CDH23: variants seen among roughly 807,000 people sequenced by gnomAD.
CDH23 encodes cadherin-23.
A neutral mutation model predicts 317.1 loss-of-function variants in CDH23; 189 were observed. The observed-to-expected ratio is 0.60, with a 90% CI of 0.53 to 0.67. The LOEUF (loss-of-function observed/expected upper bound fraction) is 0.67, where lower values mean the gene tolerates loss of function less well. CDH23 is among the 30% of genes least tolerant of loss of function. The pLI, the probability that CDH23 is intolerant of heterozygous loss-of-function variation, is 0.00. For synonymous variants in CDH23, 1,839 were observed against 1,876.8 expected (o/e 0.98, Z 0.52); for missense variants, 4,401 against 4,592.4 (o/e 0.96, Z 1.20).
intron 3 of CDH23, among the ~76,000 whole-genome samples, chr10:71,473,910 G>A (rs1283296736): frequency 1.3e-5 from 2 of 152,186 alleles, no homozygotes; most frequent in African/African-American, 4.8e-5. Flanking sequence ...CCAGTCGTTA[G>A]CCCAGCTGAC....
chr10:71,470,428 T>C (rs1851452127), intron 3 of CDH23, among the ~76,000 whole-genome samples: 1 of 152,164 alleles, frequency 6.6e-6, no homozygotes, highest in African/African-American at 2.4e-5. Context: ...ACCCATTAGA[T>C]AATAACTTCT....
At chr10:71,651,644 G>T (rs1334589630) in intron 14 of CDH23, among the ~76,000 whole-genome samples, 1 of 152,068 alleles carries the variant, frequency 6.6e-6, no homozygotes, top group African/African-American at 2.4e-5. Flanking sequence ...GTGTGGGGAA[G>T]TGGGGTCCTG....
intron 6 of CDH23, among the ~76,000 whole-genome samples, chr10:71,551,149 C>T (rs771353339): frequency 2.6e-5 from 4 of 152,230 alleles, no homozygotes; most frequent in African/African-American, 2.4e-5. Flanking sequence ...CGAGGACTTC[C>T]GTCGAAATTC....
At chr10:71,629,779 A>G (rs1861916043) in intron 11 of CDH23, among the ~76,000 whole-genome samples, 1 of 152,164 alleles carries the variant, frequency 6.6e-6, no homozygotes, top group African/African-American at 2.4e-5. Context: ...AGGCAAATCC[A>G]CAGACACGGG....
intron 6 of CDH23, among the ~76,000 whole-genome samples, chr10:71,528,236 G>A (rs1459077761): frequency 1.3e-5 from 2 of 152,014 alleles, no homozygotes; most frequent in Admixed American, 6.5e-5. Context: ...CCATCCTGGG[G>A]TAGGTGGGGT....
intron 3 of CDH23, among the ~76,000 whole-genome samples, chr10:71,484,005 G>T (rs1240865932): frequency 6.6e-6 from 1 of 152,176 alleles, no homozygotes; most frequent in Admixed American, 6.5e-5. Context: ...GAGCGCACCT[G>T]TGGAAATCAT....
rs570229491 is a variant in CDH23, at chr10:71,643,898, C to G, written c.1140+32C>G. ...GAGCCTCTGAAGGGCAGGGGTTGGG[C>G]TTGGGGAGGGCTTGTGGTGGGCACA... On this transcript the variant is annotated intron_variant, in intron 12 of 69. Coordinates refer to ENST00000224721, the MANE Select transcript of CDH23 (RefSeq NM_022124.6). The G allele has an allele frequency of 1.7e-5, 13 of 765,974 alleles. No individual in the cohort carries two copies. The African/African-American group carries it at 2.2e-4, about 13-fold the overall frequency. 47.4% of individuals were successfully genotyped at this position (765,974 alleles called of 1,614,324 possible). A position where few individuals can be genotyped will look rare whatever the true frequency, so the allele number is the denominator to read the frequency against.
At chr10:71,570,050 C>T (rs7076658) in intron 7 of CDH23, among the ~76,000 whole-genome samples, 47,556 of 151,824 alleles carry the variant, frequency 0.31, 9,391 homozygotes, top group African/African-American at 0.56. Context: ...ACAGATGCAT[C>T]GTTGAGGTTT....
chr10:71,742,085 C>T, intron 38 of CDH23, 164 bp downstream of exon 38: 1 of 668,900 alleles, frequency 1.5e-6, no homozygotes, highest in Non-Finnish European at 2.5e-6. Context: ...AGATGGCCTC[C>T]CCTTACGGAG....
chr10:71,698,021 T>C lies in CDH23; in HGVS notation c.2397+2496T>C, dbSNP rs562362896. On this transcript the variant is annotated intron_variant, in intron 22 of 69. Coordinates refer to ENST00000224721, the MANE Select transcript of CDH23 (RefSeq NM_022124.6). ...ATTAAAACTTGTTATATGAAACATC[T>C]ATCAGATGAAAGATGGCAGCTTTAG... Among the ~76,000 whole-genome samples the C allele has an allele frequency of 2.6e-5, 4 of 152,370 alleles. No homozygotes were observed. The South Asian group carries it at 8.3e-4, about 32-fold the overall frequency.
At chr10:71,812,210 T>C (rs552039101) in intron 66 of CDH23, 195 bp downstream of exon 66, 1 of 1,588,834 alleles carries the variant, frequency 6.3e-7, no homozygotes, top group African/African-American at 1.3e-5. Flanking sequence ...TCCACCCCAG[T>C]GGGCCTCAAG....
At chr10:71,708,765 C>G (rs983669468) in intron 26 of CDH23, among the ~76,000 whole-genome samples, 2 of 152,220 alleles carry the variant, frequency 1.3e-5, no homozygotes, top group East Asian at 1.9e-4. Context: ...GCCCAGGGAC[C>G]CACGCATGGA....
At position 71,799,100 on chromosome 10, in the gene CDH23, C is replaced by G. The variant is rs766092331; in HGVS notation, c.7055-11C>G. 1 of 1,607,378 alleles carries G rather than the reference C, an allele frequency of 6.2e-7. No individual in the cohort carries two copies. Among genetic ancestry groups the G allele is most frequent in the Non-Finnish European group, 8.5e-7 (1 of 1,174,790 alleles). ...GTGGCCAAAATGGCAGTGGGAGCCT[C>G]TGTGTCTTAGGGAAGGTCATTGCCA... is the stretch of plus-strand genomic sequence containing the variant. On this transcript the variant is annotated splice_polypyrimidine_tract_variant and intron_variant, in intron 50 of 69. Transcript: ENST00000224721.
At position 71,446,771 on chromosome 10, in the gene CDH23, G is replaced by A. The variant is rs116980698; in HGVS notation, c.145+376G>A. 1.2e-3 allele frequency among the ~76,000 whole-genome samples: 187 copies of A among 152,258 alleles called. 1 individual carries two copies. Among genetic ancestry groups the A allele is most frequent in the East Asian group, 8.3e-3 (43 of 5,176 alleles). On this transcript the variant is annotated intron_variant, in intron 3 of 69. Transcript: ENST00000224721. The stretch of plus-strand genomic sequence containing the variant: ...TCTGCATTGAGTTTGCCTGGCTTTG[G>A]CATTAGAAAAAACATGAACTATTTA...
intron 3 of CDH23, among the ~76,000 whole-genome samples, chr10:71,480,587 G>A (rs1298806696): frequency 6.6e-6 from 1 of 152,204 alleles, no homozygotes; most frequent in South Asian, 2.1e-4. Flanking sequence ...CAGTGAGGAG[G>A]GCAGAGGAAC....
chr10:71,688,446 G>A (rs1238178773), intron 19 of CDH23, among the ~76,000 whole-genome samples: 1 of 152,156 alleles, frequency 6.6e-6, no homozygotes, highest in Non-Finnish European at 1.5e-5. Context: ...GGATGGTAGA[G>A]CCAGGGATGG....
intron 38 of CDH23, among the ~76,000 whole-genome samples, chr10:71,777,364 A>AC (rs1840837791): frequency 6.6e-6 from 1 of 152,064 alleles, no homozygotes; most frequent in Non-Finnish European, 1.5e-5. Context: ...TCACTAGACC[A>AC]CTGTGCTAAC....
At position 71,738,608 on chromosome 10, in the gene CDH23, T is replaced by C; in HGVS notation, c.4320T>C (p.Thr1440=). Residue 1440 remains threonine, a synonymous_variant, in exon 35 of 70, where the codon ACT becomes ACC. Coordinates refer to ENST00000224721, the MANE Select transcript of CDH23 (RefSeq NM_022124.6). ...EDCPVGQRVA[T]VKAWDPDAGS... is the part of the protein sequence containing the mutation. ...GCCCTGTGGGCCAGCGAGTGGCTAC[T>C]GTCAAGGCCTGGGACCCTGATGCTG... 6.2e-7 allele frequency: 1 copy of C among 1,613,664 alleles called. No homozygotes were observed. Among genetic ancestry groups the C allele is most frequent in the Non-Finnish European group, 8.5e-7 (1 of 1,179,854 alleles).
chr10:71,812,429 G>C (rs949600434), intron 66 of CDH23, 51 bp from the exon 67 acceptor site: 1 of 1,611,100 alleles, frequency 6.2e-7, no homozygotes, highest in African/African-American at 1.3e-5. Flanking sequence ...AAGGGCACCT[G>C]TCTACTCGAG....
Sources: gnomAD v4.1 joint callset for allele counts (sites outside exome capture counted in the v4.1 genomes callset) on GRCh38, gnomAD v4.1.1 for gene constraint, MANE v1.5 for transcripts, NCBI Gene and HGNC (gene_info 2026-07-23, HGNC 2026-07-21) for gene names.